Variants in ALMS1 observed in about 807,000 individuals in gnomAD.
The protein encoded by ALMS1 is centrosome-associated protein ALMS1.
A neutral mutation model predicts 352.2 loss-of-function variants in ALMS1; 271 were observed. That is an observed-to-expected ratio of 0.77 (90% confidence interval 0.70 to 0.85). The LOEUF is 0.85. Among genes scored for constraint, ALMS1 ranks in the 40% least tolerant of loss-of-function variants. The pLI is 0.00. For missense variants in ALMS1, 5,445 were observed against 4,870.7 expected (o/e 1.12, Z -3.51); for synonymous variants, 1,865 against 1,761.2 (o/e 1.06, Z -1.48).
intron 10 of ALMS1, among the ~76,000 whole-genome samples, chr2:73,516,486 CAT>C (rs1391688170): frequency 2.6e-5 from 4 of 152,174 alleles, no homozygotes; most frequent in South Asian, 2.1e-4. Flanking sequence ...TGAAAAAACA[CAT>C]ATAATCAATA....
chr2:73,519,639 TA>T, intron 10 of ALMS1, 135 bp from the exon 11 acceptor site: 3 of 1,113,892 alleles, frequency 2.7e-6, no homozygotes, highest in Non-Finnish European at 3.8e-6. Context: ...TTTACCTTAA[TA>T]ACGTTTGACA....
intron 5 of ALMS1, among the ~76,000 whole-genome samples, 169 bp from the exon 6 acceptor site, chr2:73,426,284 C>G (rs753591513): frequency 5.3e-5 from 8 of 152,150 alleles, no homozygotes; most frequent in Non-Finnish European, 1.2e-4. Flanking sequence ...GCATGTGATG[C>G]AAAGTCACAA....
intron 12 of ALMS1, among the ~76,000 whole-genome samples, chr2:73,538,140 T>C (rs1674072142): frequency 6.6e-6 from 1 of 152,088 alleles, no homozygotes; most frequent in Non-Finnish European, 1.5e-5. Context: ...GGAGAAAATA[T>C]TTGCAAATCA....
chr2:73,413,137 A>G (rs1671112505), intron 2 of ALMS1, among the ~76,000 whole-genome samples: 1 of 151,678 alleles, frequency 6.6e-6, no homozygotes, highest in Non-Finnish European at 1.5e-5. Flanking sequence ...TCAGTGAGAG[A>G]TCTGTTAAAA....
chr2:73,497,659 A>G (rs530374133), intron 10 of ALMS1, among the ~76,000 whole-genome samples: 1 of 152,050 alleles, frequency 6.6e-6, no homozygotes, highest in South Asian at 2.1e-4. Context: ...GGTTTTTATG[A>G]GTTACTTCAC....
At chr2:73,422,812 T>A (rs758214323) in intron 3 of ALMS1, 45 bp from the exon 4 acceptor site, 1 of 1,467,550 alleles carries the variant, frequency 6.8e-7, no homozygotes, top group South Asian at 1.1e-5. Flanking sequence ...AAGTAAATAA[T>A]CAATTTTCAG....
Position 73,452,791 on chromosome 2 carries a change from A to T in ALMS1, c.6264A>T (p.Pro2088=). The T allele has an allele frequency of 6.2e-7, 1 of 1,613,638 alleles. No individual in the cohort carries two copies. Among genetic ancestry groups the T allele is most frequent in the Non-Finnish European group, 8.5e-7 (1 of 1,179,976 alleles). ...PELTDVNTGK[P]VSLSSSYFHR... is the part of the protein sequence containing the mutation. ...TAACTGATGTGAATACTGGAAAACC[A>T]GTATCTCTCTCTAGTTCTTATTTTC... Residue 2088 remains proline, a synonymous_variant, in exon 8 of 23, where the codon CCA becomes CCT. Transcript: ENST00000613296.
intron 9 of ALMS1, among the ~76,000 whole-genome samples, chr2:73,471,950 A>G (rs1672478216): frequency 6.6e-6 from 1 of 152,082 alleles, no homozygotes; most frequent in Non-Finnish European, 1.5e-5. Context: ...AACAAGATGT[A>G]TAAACATCTA....
intron 9 of ALMS1, among the ~76,000 whole-genome samples, chr2:73,474,371 C>CTGTG (rs377039331): frequency 0.051 from 4,872 of 95,430 alleles, 218 homozygotes; most frequent in African/African-American, 0.13. Context: ...CTTGTTGACT[C>CTGTG]TGTGTGTGTG....
At chr2:73,581,900 A>G (rs1328862300) in intron 16 of ALMS1, among the ~76,000 whole-genome samples, 2 of 152,076 alleles carry the variant, frequency 1.3e-5, no homozygotes, top group South Asian at 2.1e-4. Context: ...GTGCACCACC[A>G]TGCTTGGCTA....
Position 73,490,072 on chromosome 2 carries a change from C to G in ALMS1, c.8113C>G (p.Pro2705Ala), listed in dbSNP as rs1672943702. The change falls in exon 10 of 23, where the codon CCA becomes GCA. Residue 2705 changes from proline (P) to alanine (A), a missense_variant. Pro to Ala is a conservative substitution (Grantham distance 27). Coordinates refer to ENST00000613296, the MANE Select transcript of ALMS1 (RefSeq NM_001378454.1). ...DFHSSSQMPS[P>A]EPMKKFTTSI... Reference sequence around the variant, plus strand: ...TCATTCTTCATCACAAATGCCGTCCCCAGAACCCATGAAAAAGTTTACTAC... The same window carrying G: ...TCATTCTTCATCACAAATGCCGTCCGCAGAACCCATGAAAAAGTTTACTAC... 6.2e-7 allele frequency: 1 copy of G among 1,614,014 alleles called. No individual in the cohort carries two copies. Among genetic ancestry groups the G allele is most frequent in the South Asian group, 1.1e-5 (1 of 91,084 alleles).
At chr2:73,603,536 T>C (rs1675747548) in intron 21 of ALMS1, 2 of 510,624 alleles carry the variant, frequency 3.9e-6, no homozygotes, top group South Asian at 4.2e-5. Context: ...TGTCTTAGGC[T>C]CCTCTTTATT....
Position 73,519,756 on chromosome 2 carries a change from C to A in ALMS1, c.9540-19C>A, listed in dbSNP as rs1320066782. 6.2e-7 allele frequency: 1 copy of A among 1,613,694 alleles called. No homozygotes were observed. The highest frequency in any genetic ancestry group is 8.5e-7 in the Non-Finnish European group (1 of 1,179,874). ...GGCCAAGGATATAATCTGCTGTATT[C>A]TTTCTCTTTTTTGGTCAGATTACCA... is the stretch of plus-strand genomic sequence containing the variant. On this transcript the variant is annotated intron_variant, in intron 10 of 22. Coordinates refer to ENST00000613296, the MANE Select transcript of ALMS1 (RefSeq NM_001378454.1).
At chr2:73,590,123 T>G (rs1675394814) in intron 16 of ALMS1, among the ~76,000 whole-genome samples, 1 of 151,682 alleles carries the variant, frequency 6.6e-6, no homozygotes, top group Non-Finnish European at 1.5e-5. Context: ...GGGAAGAGAG[T>G]TTTTCATATA....
chr2:73,469,462 A>C (rs1313571958), intron 9 of ALMS1: 2 of 151,904 alleles, frequency 1.3e-5, no homozygotes, highest in African/African-American at 4.8e-5. Context: ...GAAAATTTGA[A>C]ATAATAGGAG....
chr2:73,416,113 C>T (rs540404844), intron 2 of ALMS1, among the ~76,000 whole-genome samples: 44 of 152,166 alleles, frequency 2.9e-4, no homozygotes, highest in Middle Eastern at 3.4e-3. Context: ...AGAGATGACT[C>T]GGGACCAGTG....
chr2:73,478,909 A>G, intron 9 of ALMS1, among the ~76,000 whole-genome samples: 1 of 151,904 alleles, frequency 6.6e-6, no homozygotes, highest in East Asian at 1.9e-4. Flanking sequence ...CTCATTGTTC[A>G]ACTCCCATTT....
At chr2:73,455,806 C>A (rs1475785360) in intron 9 of ALMS1, among the ~76,000 whole-genome samples, 1 of 152,002 alleles carries the variant, frequency 6.6e-6, no homozygotes, top group Non-Finnish European at 1.5e-5. Context: ...AATTTATCTT[C>A]TTAGAAAAAT....
chr2:73,419,146 T>G lies in ALMS1; in HGVS notation c.474T>G (p.Leu158=), dbSNP rs1671237121. ...AGAAAACAGAATCTTGGCATTGTCTTCCTCAAGAAATGGACTCTTCCCAAA... is the reference window on the plus strand; with the variant it reads ...AGAAAACAGAATCTTGGCATTGTCTGCCTCAAGAAATGGACTCTTCCCAAA... ...DDQKTESWHC[L]PQEMDSSQTL... is the part of the protein sequence containing the mutation. The change falls in exon 3 of 23, where the codon CTT becomes CTG. Residue 158 remains leucine (L), a synonymous_variant. Transcript: ENST00000613296. The G allele has an allele frequency of 6.2e-7, 1 of 1,613,940 alleles. No individual in the cohort carries two copies. Among genetic ancestry groups the G allele is most frequent in the African/African-American group, 1.3e-5 (1 of 74,936 alleles).
Sources: gnomAD v4.1 joint callset for allele counts (sites outside exome capture counted in the v4.1 genomes callset) on GRCh38, gnomAD v4.1.1 for gene constraint, MANE v1.5 for transcripts, NCBI Gene and HGNC (gene_info 2026-07-23, HGNC 2026-07-21) for gene names.